The following WDR45B variants were observed in gnomAD, a reference collection of about 807,000 sequenced individuals.
The protein encoded by WDR45B is WD repeat domain 45B, also known as WD repeat domain phosphoinositide-interacting protein 3.
In WDR45B, 20 loss-of-function variants were observed where a neutral mutation model predicts 44.6. That is an observed-to-expected ratio of 0.45 (90% confidence interval 0.32 to 0.65). WDR45B has a LOEUF of 0.65. Among genes scored for constraint, WDR45B ranks in the 30% least tolerant of loss-of-function variants. The pLI, the probability that WDR45B is intolerant of heterozygous loss-of-function variation, is 0.05. For synonymous variants in WDR45B, 169 were observed against 164.9 expected (o/e 1.02, Z -0.19); for missense variants, 323 against 430.2 (o/e 0.75, Z 2.20).
At chr17:82,646,206 A>G (rs1393585097) in intron 1 of WDR45B, among the ~76,000 whole-genome samples, 1 of 151,480 alleles carries the variant, frequency 6.6e-6, no homozygotes, top group Non-Finnish European at 1.5e-5. Context: ...GAAACCTAGA[A>G]ACAGCCTGGC....
At chr17:82,625,548 T>C (rs1364710053) in intron 4 of WDR45B, 65 bp from the exon 5 acceptor site, 1 of 1,404,020 alleles carries the variant, frequency 7.1e-7, no homozygotes, top group Non-Finnish European at 1.0e-6. Flanking sequence ...TTTATGCTCC[T>C]GTTCTTATCA....
At chr17:82,619,482 G>A (rs929094742) in intron 6 of WDR45B, among the ~76,000 whole-genome samples, 1 of 151,682 alleles carries the variant, frequency 6.6e-6, no homozygotes. Context: ...GAGCTCATCT[G>A]AGAAGCACTG....
At chr17:82,625,635 C>T in intron 4 of WDR45B, 152 bp from the exon 5 acceptor site, 3 of 791,650 alleles carry the variant, frequency 3.8e-6, no homozygotes, top group Non-Finnish European at 6.2e-6. Flanking sequence ...AGGCAGGTAG[C>T]CAGCGCCAGG....
intron 4 of WDR45B, chr17:82,626,938 G>C (rs1418173572): frequency 1.7e-4 from 90 of 528,296 alleles, no homozygotes; most frequent in Non-Finnish European, 1.4e-4. Flanking sequence ...ACTCACCACG[G>C]TGAGACCCAC....
intron 3 of WDR45B, 115 bp downstream of exon 3, chr17:82,630,806 G>A: frequency 1.9e-6 from 2 of 1,060,500 alleles, no homozygotes; most frequent in Non-Finnish European, 1.5e-6. Context: ...GACCAGTCCT[G>A]GATATTTCAC....
chr17:82,644,849 A>G (rs1415747126), intron 1 of WDR45B, among the ~76,000 whole-genome samples: 1 of 152,210 alleles, frequency 6.6e-6, no homozygotes, highest in Non-Finnish European at 1.5e-5. Flanking sequence ...GTGAAAGCCC[A>G]ACACAAAGGC....
intron 9 of WDR45B, 111 bp from the exon 10 acceptor site, chr17:82,616,136 T>A: frequency 1.0e-6 from 1 of 991,060 alleles, no homozygotes; most frequent in Non-Finnish European, 1.5e-6. Context: ...GCAGCTGCTC[T>A]GAAAGCCCTG....
chr17:82,636,685 T>G (rs7211646), intron 2 of WDR45B: 22,568 of 152,026 alleles, frequency 0.15, 2,193 homozygotes, highest in East Asian at 0.28. Flanking sequence ...TCAAAGGGTT[T>G]ATTTAGCCTG....
At position 82,617,258 on chromosome 17, in the gene WDR45B, T is replaced by TC. The variant is rs761040531; in HGVS notation, c.806+37dup. On this transcript the variant is annotated intron_variant, in intron 8 of 9. Transcript: ENST00000392325. The stretch of plus-strand genomic sequence containing the variant: ...ACTGAAACACTGGGGACTCCTCTCA[T>TC]CCCCCGGCTTTTCCCCAGCAGGCAT... 3.1e-6 allele frequency: 5 copies of TC among 1,594,568 alleles called. No individual in the cohort carries two copies. The South Asian group carries it at 5.6e-5, about 18-fold the overall frequency.
At chr17:82,619,426 C>A (rs1435551151) in intron 6 of WDR45B, among the ~76,000 whole-genome samples, 1 of 152,068 alleles carries the variant, frequency 6.6e-6, no homozygotes, top group Non-Finnish European at 1.5e-5. Context: ...TGGCTGAGAC[C>A]CAGGAGGAAC....
chr17:82,644,598 C>T (rs1306808296), intron 1 of WDR45B: 4 of 175,350 alleles, frequency 2.3e-5, no homozygotes, highest in Middle Eastern at 2.7e-3. Context: ...AGTCACACAG[C>T]AGGCTGTTAA....
At chr17:82,629,078 A>T (rs574801479) in intron 3 of WDR45B, among the ~76,000 whole-genome samples, 3 of 152,218 alleles carry the variant, frequency 2.0e-5, no homozygotes, top group Middle Eastern at 3.2e-3. Context: ...TTTACTCAAA[A>T]ACCTGCTGAA....
chr17:82,627,436 C>A (rs1598267229), intron 3 of WDR45B, 145 bp from the exon 4 acceptor site: 2 of 719,590 alleles, frequency 2.8e-6, no homozygotes, highest in East Asian at 2.7e-5. Context: ...CACACCCGCA[C>A]CTGGGAGGCC....
chr17:82,639,836 C>T (rs1265593133), intron 2 of WDR45B, among the ~76,000 whole-genome samples: 88 of 97,094 alleles, frequency 9.1e-4, no homozygotes, highest in Admixed American at 2.2e-3. Context: ...GGGAGGGCTG[C>T]CGGGCTGTGT....
At chr17:82,648,230 G>C (rs1404741689) in intron 1 of WDR45B, 44 bp downstream of exon 1, 4 of 1,582,020 alleles carry the variant, frequency 2.5e-6, no homozygotes, top group Middle Eastern at 2.2e-4. Context: ...CCCGGGCTGC[G>C]GGAAGGCCCG....
At chr17:82,642,677 G>A (rs908871195) in intron 2 of WDR45B, among the ~76,000 whole-genome samples, 1 of 152,154 alleles carries the variant, frequency 6.6e-6, no homozygotes, top group Non-Finnish European at 1.5e-5. Context: ...GGTAGATGGC[G>A]TCAGAACTGA....
chr17:82,632,970 C>T (rs1365224186), intron 2 of WDR45B, among the ~76,000 whole-genome samples: 1 of 152,040 alleles, frequency 6.6e-6, no homozygotes, highest in Non-Finnish European at 1.5e-5. Flanking sequence ...GGAGTTCGAC[C>T]TGGCCAACAT....
intron 8 of WDR45B, 121 bp downstream of exon 8, chr17:82,617,175 A>C (rs910147870): frequency 2.4e-6 from 2 of 846,270 alleles, no homozygotes; most frequent in Admixed American, 2.0e-5. Flanking sequence ...TTCAGCGCTG[A>C]TAGCATATGA....
At chr17:82,641,971 A>G (rs2045922487) in intron 2 of WDR45B, among the ~76,000 whole-genome samples, 1 of 152,128 alleles carries the variant, frequency 6.6e-6, no homozygotes, top group Admixed American at 6.5e-5. Flanking sequence ...AAAAAATCAA[A>G]GAAAAATGAA....
Sources: allele counts gnomAD v4.1 joint callset (sites outside exome capture counted in the v4.1 genomes callset), GRCh38; gene constraint gnomAD v4.1.1; transcripts MANE v1.5; gene names NCBI Gene and HGNC (gene_info 2026-07-23, HGNC 2026-07-21).